Variants in RORA observed in about 807,000 individuals in gnomAD.
The protein encoded by RORA is nuclear receptor ROR-alpha.
Under a neutral mutation model 69.5 loss-of-function variants are expected in RORA, and 7 were observed. That is an observed-to-expected ratio of 0.10 (90% CI 0.06 to 0.19). The LOEUF is 0.19. RORA is among the 10% of genes least tolerant of loss of function. RORA has a pLI of 1.00. For missense variants in RORA, 457 were observed against 663.0 expected (o/e 0.69, Z 3.41); for synonymous variants, 261 against 240.8 (o/e 1.08, Z -0.78).
intron 8 of RORA, among the ~76,000 whole-genome samples, chr15:60,501,776 A>G (rs1036651196): frequency 6.6e-6 from 1 of 152,240 alleles, no homozygotes; most frequent in Non-Finnish European, 1.5e-5. Flanking sequence ...TCCGTTTTCC[A>G]AAAGACTGGT....
chr15:60,507,456 C>T (rs920774473), intron 5 of RORA, among the ~76,000 whole-genome samples: 1 of 152,036 alleles, frequency 6.6e-6, no homozygotes, highest in African/African-American at 2.4e-5. Flanking sequence ...ACCTGAATGG[C>T]CCTACTTGGC....
At chr15:61,163,784 C>G (rs113942071) in intron 1 of RORA, among the ~76,000 whole-genome samples, 15 of 152,298 alleles carry the variant, frequency 9.8e-5, no homozygotes, top group African/African-American at 3.6e-4. Context: ...CAATCACACA[C>G]CATTCACTGA....
chr15:61,151,846 G>GA (rs1220733322), intron 1 of RORA, among the ~76,000 whole-genome samples: 2 of 151,854 alleles, frequency 1.3e-5, no homozygotes, highest in East Asian at 1.9e-4. Context: ...AAAGCCAATG[G>GA]AAAAAAAACC....
intron 1 of RORA, among the ~76,000 whole-genome samples, chr15:60,972,021 C>A (rs1020168789): frequency 6.6e-6 from 1 of 152,338 alleles, no homozygotes; most frequent in African/African-American, 2.4e-5. Context: ...CTCCCGAATT[C>A]ATGCTTCAAA....
At position 60,599,659 on chromosome 15, in the gene RORA, C is replaced by G. The variant is rs28519375; in HGVS notation, c.197-67808G>C. Among the ~76,000 whole-genome samples, 524 of 152,310 alleles carry G rather than the reference C, an allele frequency of 3.4e-3. 6 individuals carry two copies. Among genetic ancestry groups the G allele is most frequent in the African/African-American group, 0.011 (458 of 41,554 alleles). On this transcript the variant is annotated intron_variant, in intron 2 of 10. Coordinates refer to ENST00000335670, the MANE Select transcript of RORA (RefSeq NM_134261.3). ...GCATTTACCAGAGATAAAATACACACAGATAAGAAGGGGAGAAAGCCCAGA... is the reference window on the plus strand; with the variant it reads ...GCATTTACCAGAGATAAAATACACAGAGATAAGAAGGGGAGAAAGCCCAGA...
intron 1 of RORA, among the ~76,000 whole-genome samples, chr15:61,059,276 G>C (rs1291789439): frequency 6.6e-6 from 1 of 152,218 alleles, no homozygotes; most frequent in Non-Finnish European, 1.5e-5. Flanking sequence ...TGCTGTAATA[G>C]AGTCAAAACA....
At chr15:60,547,392 C>T (rs573136150) in intron 2 of RORA, among the ~76,000 whole-genome samples, 170 of 149,840 alleles carry the variant, frequency 1.1e-3, no homozygotes, top group African/African-American at 3.8e-3. Context: ...GGCGTGATCT[C>T]GGCTCACTGC....
intron 2 of RORA, among the ~76,000 whole-genome samples, chr15:60,616,768 G>C (rs546001970): frequency 6.6e-6 from 1 of 152,318 alleles, no homozygotes; most frequent in South Asian, 2.1e-4. Flanking sequence ...GCGTTCTGTG[G>C]TTGAGGTACA....
At chr15:61,065,486 G>T (rs1457516501) in intron 1 of RORA, among the ~76,000 whole-genome samples, 1 of 152,076 alleles carries the variant, frequency 6.6e-6, no homozygotes, top group Non-Finnish European at 1.5e-5. Flanking sequence ...GTTAAACCAT[G>T]TCTCTGCAAT....
chr15:60,716,359 C>T (rs535383314), intron 1 of RORA, among the ~76,000 whole-genome samples: 23 of 152,212 alleles, frequency 1.5e-4, no homozygotes, highest in Non-Finnish European at 3.2e-4. Context: ...TCCTTCTCTT[C>T]TGAATGCACT....
chr15:60,651,965 G>C lies in RORA; in HGVS notation c.196+26692C>G, dbSNP rs80283462. 9.1e-4 allele frequency among the ~76,000 whole-genome samples: 139 copies of C among 152,298 alleles called. 1 individual carries two copies. In the East Asian group the frequency reaches 0.024, roughly 26 times the overall value. On this transcript the variant is annotated intron_variant, in intron 2 of 10. Coordinates refer to ENST00000335670, the MANE Select transcript of RORA (RefSeq NM_134261.3). ...ACACTGAGATAACCACAGGGGCCTG[G>C]CTTAAGAAAGTGTAGCCCTGATCAA...
At chr15:60,765,157 C>T (rs1387771802) in intron 1 of RORA, 3 of 151,920 alleles carry the variant, frequency 2.0e-5, no homozygotes, top group African/African-American at 7.3e-5. Context: ...TTCTAATTCC[C>T]CCTTCTCTCT....
intron 1 of RORA, among the ~76,000 whole-genome samples, chr15:60,826,787 CTCT>C (rs1212725099): frequency 7.5e-5 from 7 of 93,290 alleles, no homozygotes; most frequent in Admixed American, 2.4e-4. Flanking sequence ...CTCTCTCTCT[CTCT>C]TTTTTTTTTA....
chr15:61,150,816 C>A (rs769239024), intron 1 of RORA, among the ~76,000 whole-genome samples: 1 of 152,114 alleles, frequency 6.6e-6, no homozygotes, highest in Non-Finnish European at 1.5e-5. Flanking sequence ...AAAAAATGTG[C>A]TGGGAGGAAA....
At chr15:60,794,847 C>T (rs942949953) in intron 1 of RORA, among the ~76,000 whole-genome samples, 1 of 152,194 alleles carries the variant, frequency 6.6e-6, no homozygotes, top group African/African-American at 2.4e-5. Flanking sequence ...TATCCTAGGG[C>T]TCACTGCTCA....
At chr15:61,123,415 T>C (rs2079119377) in intron 1 of RORA, among the ~76,000 whole-genome samples, 1 of 152,116 alleles carries the variant, frequency 6.6e-6, no homozygotes, top group African/African-American at 2.4e-5. Flanking sequence ...GCAGGATGTG[T>C]TCCCTGCCCT....
intron 1 of RORA, among the ~76,000 whole-genome samples, chr15:60,722,675 C>T (rs548878285): frequency 7.9e-5 from 12 of 152,254 alleles, no homozygotes; most frequent in African/African-American, 2.6e-4. Flanking sequence ...ATCTGTGCTC[C>T]GTGCCAGATC....
intron 1 of RORA, among the ~76,000 whole-genome samples, chr15:61,078,875 G>A (rs2078495119): frequency 6.6e-6 from 1 of 152,084 alleles, no homozygotes. Flanking sequence ...ATTGGACAAT[G>A]ATCTGATTGT....
At chr15:60,877,536 G>A (rs7175343) in intron 1 of RORA, among the ~76,000 whole-genome samples, 63,818 of 151,940 alleles carry the variant, frequency 0.42, 14,363 homozygotes, top group Non-Finnish European at 0.51. Context: ...TAGTCTGTGA[G>A]TAAAAATGGC....
Sources: allele counts gnomAD v4.1 joint callset (sites outside exome capture counted in the v4.1 genomes callset), GRCh38; gene constraint gnomAD v4.1.1; transcripts MANE v1.5; gene names NCBI Gene and HGNC (gene_info 2026-07-23, HGNC 2026-07-21).